IL36G: variants seen among roughly 807,000 people sequenced by gnomAD.
IL36G encodes the protein interleukin 36 gamma, also known as interleukin-36 gamma.
IL36G carries 10 observed loss-of-function variants against 13.5 expected under a neutral mutation model. The ratio of observed to expected loss-of-function variants is 0.74; its 90% CI spans 0.46 to 1.26. The LOEUF is 1.26. Among genes scored for constraint, IL36G ranks in the 50% most tolerant of loss-of-function variants. The pLI is 0.00. For missense variants in IL36G, 199 were observed against 203.0 expected (o/e 0.98, Z 0.12); for synonymous variants, 84 against 74.0 (o/e 1.13, Z -0.69).
chr2:112,979,902 C>G, intron 3 of IL36G, 107 bp from the exon 4 acceptor site: 1 of 1,084,718 alleles, frequency 9.2e-7, no homozygotes, highest in Non-Finnish European at 1.3e-6. Flanking sequence ...TGGGATTACA[C>G]TCTTCAGCTC....
At chr2:112,983,402 G>C (rs1424793935) in intron 4 of IL36G, among the ~76,000 whole-genome samples, 2 of 152,112 alleles carry the variant, frequency 1.3e-5, no homozygotes, top group Non-Finnish European at 2.9e-5. Context: ...GATAGCAGTT[G>C]GTACTAATGA....
At chr2:112,981,986 T>C (rs28947211) in intron 4 of IL36G, among the ~76,000 whole-genome samples, 3,237 of 152,330 alleles carry the variant, frequency 0.021, 104 homozygotes, top group South Asian at 0.088. Context: ...CCTCTAGCAC[T>C]GCGTAGATGC....
intron 4 of IL36G, among the ~76,000 whole-genome samples, chr2:112,981,983 C>T (rs1453570267): frequency 6.6e-6 from 1 of 152,166 alleles, no homozygotes; most frequent in Non-Finnish European, 1.5e-5. Flanking sequence ...TGGCCTCTAG[C>T]ACTGCGTAGA....
chr2:112,981,452 C>T lies in IL36G; in HGVS notation c.300+1304C>T, dbSNP rs554443594. 1.3e-4 allele frequency: 82 copies of T among 655,560 alleles called. 1 individual carries two copies. The highest frequency in any genetic ancestry group is 2.0e-4 in the Non-Finnish European group (73 of 363,188). The allele number at this position is 655,560 out of a possible 1,614,324, so 40.6% of individuals were successfully genotyped here. On this transcript the variant is annotated intron_variant, in intron 4 of 4. Coordinates refer to ENST00000259205, the MANE Select transcript of IL36G (RefSeq NM_019618.4). ...CTGGGCATGGTGGTGGCCACCCCAG[C>T]GGGATATAGGCACTGGATGCAGGAT...
chr2:112,984,707 T>C (rs1266682971), intron 4 of IL36G, 133 bp from the exon 5 acceptor site: 1 of 721,832 alleles, frequency 1.4e-6, no homozygotes, highest in African/African-American at 1.8e-5. Flanking sequence ...AAATGTGTGT[T>C]TCTCTAGGCC....
chr2:112,982,143 A>G (rs1049497115), intron 4 of IL36G, among the ~76,000 whole-genome samples: 2 of 152,234 alleles, frequency 1.3e-5, no homozygotes, highest in African/African-American at 4.8e-5. Flanking sequence ...TAGAAAAATA[A>G]AAATGGTTAC....
At chr2:112,979,430 G>A (rs760375801) in intron 3 of IL36G, 105 bp downstream of exon 3, 6 of 663,654 alleles carry the variant, frequency 9.0e-6, no homozygotes, top group Non-Finnish European at 1.6e-5. Flanking sequence ...CCCACCAGGA[G>A]TGGGGAGAAT....
rs765652584 is a variant in IL36G at position 112,984,992 on chromosome 2, G to A, written c.453G>A (p.Leu151=). Residue 151 remains leucine (L), a synonymous_variant, in exon 5 of 5, where the codon CTG becomes CTA. Coordinates refer to ENST00000259205, the MANE Select transcript of IL36G (RefSeq NM_019618.4). ...ASSKRDQPII[L]TSELGKSYNT... is the part of the protein sequence containing the mutation. ...CCAAGAGAGACCAGCCCATCATTCT[G>A]ACTTCAGAACTTGGGAAGTCATACA... is the stretch of plus-strand genomic sequence containing the variant. 1.2e-6 allele frequency: 2 copies of A among 1,614,082 alleles called. No homozygotes were observed. The highest frequency in any genetic ancestry group is 1.7e-5 in the Admixed American group (1 of 60,010).
intron 4 of IL36G, chr2:112,981,469 A>G (rs2105012565): frequency 1.6e-6 from 1 of 617,962 alleles, no homozygotes; most frequent in Non-Finnish European, 2.9e-6. Flanking sequence ...TAGGCACTGG[A>G]TGCAGGATGC....
At chr2:112,982,449 G>C (rs1252940853) in intron 4 of IL36G, among the ~76,000 whole-genome samples, 1 of 152,206 alleles carries the variant, frequency 6.6e-6, no homozygotes, top group Non-Finnish European at 1.5e-5. Flanking sequence ...GTTTTGAACA[G>C]AGGAATGGCG....
intron 3 of IL36G, 111 bp from the exon 4 acceptor site, chr2:112,979,898 T>G: frequency 1.9e-6 from 2 of 1,038,654 alleles, no homozygotes; most frequent in Non-Finnish European, 2.8e-6. Flanking sequence ...TAGTTGGGAT[T>G]ACACTCTTCA....
chr2:112,978,670 G>A lies in IL36G; in HGVS notation c.32G>A (p.Gly11Glu), dbSNP rs1448354762. The A allele has an allele frequency of 6.2e-7, 1 of 1,614,196 alleles. No homozygotes were observed. Among genetic ancestry groups the A allele is most frequent in the Non-Finnish European group, 8.5e-7 (1 of 1,180,034 alleles). The change falls in exon 2 of 5, where the codon GGA becomes GAA. Residue 11 changes from glycine (G) to glutamate (E), a missense_variant. Coordinates refer to ENST00000259205, the MANE Select transcript of IL36G (RefSeq NM_019618.4). ...GGCACTCCAGGAGACGCTGATGGTGGAGGAAGGGCCGTCTATCAATCAAGT... is the reference window on the plus strand; with the variant it reads ...GGCACTCCAGGAGACGCTGATGGTGAAGGAAGGGCCGTCTATCAATCAAGT... The part of the protein sequence containing the change: MRGTPGDADG[G>E]GRAVYQSMCK...
Position 112,984,454 on chromosome 2 carries a change from C to T in IL36G, c.301-386C>T, listed in dbSNP as rs191772562. Among the ~76,000 whole-genome samples the T allele has an allele frequency of 6.5e-4, 99 of 152,256 alleles. 2 individuals are homozygous for T. The highest frequency in any genetic ancestry group is 4.5e-3 in the Admixed American group (69 of 15,308). On this transcript the variant is annotated intron_variant, in intron 4 of 4. Coordinates refer to ENST00000259205, the MANE Select transcript of IL36G (RefSeq NM_019618.4). ...CTAACCTGGCTGTCCTTTGTCACGC[C>T]GGTGGTTCTTGCAGGGTAGTGACTC...
chr2:112,981,302 G>A, intron 4 of IL36G: 1 of 1,132,118 alleles, frequency 8.8e-7, no homozygotes, highest in South Asian at 1.2e-5. Flanking sequence ...CTTCTTTGCA[G>A]GGGCATTTTT....
intron 4 of IL36G, 22 bp downstream of exon 4, chr2:112,980,170 T>G: frequency 6.2e-7 from 1 of 1,601,936 alleles, no homozygotes; most frequent in Non-Finnish European, 8.5e-7. Flanking sequence ...AGAAAAATAT[T>G]TAAAAAGCCT....
chr2:112,979,088 G>A, intron 2 of IL36G, 133 bp from the exon 3 acceptor site: 1 of 641,678 alleles, frequency 1.6e-6, no homozygotes, highest in South Asian at 1.9e-5. Context: ...GGTGATGTGA[G>A]TGCTGTCAGT....
intron 2 of IL36G, 123 bp downstream of exon 2, chr2:112,978,816 GC>G: frequency 1.1e-6 from 1 of 943,538 alleles, no homozygotes; most frequent in Non-Finnish European, 1.7e-6. Flanking sequence ...ACCTGGTGCT[GC>G]CCACCTACCA....
At chr2:112,979,099 T>C in intron 2 of IL36G, 122 bp from the exon 3 acceptor site, 2 of 654,026 alleles carry the variant, frequency 3.1e-6, no homozygotes, top group Non-Finnish European at 5.6e-6. Context: ...TGCTGTCAGT[T>C]TGGGGATGCA....
chr2:112,978,897 G>A (rs1015966223), intron 2 of IL36G, among the ~76,000 whole-genome samples: 8 of 152,192 alleles, frequency 5.3e-5, no homozygotes, highest in Admixed American at 1.3e-4. Context: ...CCCCAGCACC[G>A]GGGCCAAGCA....
Sources: gnomAD v4.1 joint callset for allele counts (sites outside exome capture counted in the v4.1 genomes callset) on GRCh38, gnomAD v4.1.1 for gene constraint, MANE v1.5 for transcripts, NCBI Gene and HGNC (gene_info 2026-07-23, HGNC 2026-07-21) for gene names.